The following MSL1 variants were observed in gnomAD, a reference collection of about 807,000 sequenced individuals.
The protein encoded by MSL1 is male-specific lethal 1 homolog.
A neutral mutation model predicts 64.6 loss-of-function variants in MSL1; 21 were observed. The ratio of observed to expected loss-of-function variants is 0.33; its 90% CI spans 0.23 to 0.47. The LOEUF is 0.47. Among genes scored for constraint, MSL1 ranks in the 20% least tolerant of loss-of-function variants. The pLI is 1.00. For missense variants in MSL1, 664 were observed against 793.2 expected (o/e 0.84, Z 1.96); for synonymous variants, 339 against 329.6 (o/e 1.03, Z -0.31).
In MSL1 at chr17:40,135,900, A is replaced by G. The variant is rs1429724467; in HGVS notation, c.*1531A>G. The G allele has an allele frequency of 1.3e-5, 2 of 152,044 alleles. No homozygotes were observed. Among genetic ancestry groups the G allele is most frequent in the Non-Finnish European group, 2.9e-5 (2 of 68,006 alleles). The allele number at this position is 152,044 out of a possible 1,614,324, so 9.4% of individuals were successfully genotyped here. ...TCATTTGTAACTCCATCTGCTTAGG[A>G]GAGTGGGCTCTCTATAAGGGAACCT... On this transcript the variant is annotated 3_prime_UTR_variant, in exon 9 of 9. Coordinates refer to ENST00000398532, the MANE Select transcript of MSL1 (RefSeq NM_001365919.1).
At chr17:40,127,339 G>GAAAAAAAA (rs66944924) in intron 2 of MSL1, among the ~76,000 whole-genome samples, 2 of 97,634 alleles carry the variant, frequency 2.0e-5, no homozygotes, top group African/African-American at 3.8e-5. Context: ...TGTCTCAATT[G>GAAAAAAAA]AAAAAAAAAA....
Position 40,126,303 on chromosome 17 carries a change from T to C in MSL1, c.889T>C (p.Ser297Pro), listed in dbSNP as rs1214942062. Residue 297 changes from serine to proline, a missense_variant, in exon 2 of 9, where the codon TCT (serine) becomes CCT (proline). Coordinates refer to ENST00000398532, the MANE Select transcript of MSL1 (RefSeq NM_001365919.1). ...TGAAGAGAGAGAGGAAACAGAGCTA[T>C]CTGAGAAAATTAAACTGGAGTGCCA... ...ETEEREETEL[S>P]EKIKLECQPE... is the part of the protein sequence containing the mutation. 9.9e-6 allele frequency: 16 copies of C among 1,613,984 alleles called. No homozygotes were observed. Among genetic ancestry groups the C allele is most frequent in the Non-Finnish European group, 1.4e-5 (16 of 1,179,890 alleles).
chr17:40,133,176 C>T, intron 6 of MSL1, 67 bp downstream of exon 6: 1 of 1,378,756 alleles, frequency 7.3e-7, no homozygotes. Context: ...TATCAGGGAA[C>T]CTGACCTCCC....
chr17:40,123,287 C>G lies in MSL1; in HGVS notation c.675C>G (p.Ile225Met). The change falls in exon 1 of 9, where the codon ATC (isoleucine) becomes ATG (methionine). Residue 225 changes from isoleucine to methionine, a missense_variant. Physicochemically the swap from Ile to Met is conservative, Grantham distance 10. This residue lies in a region of MSL1 where 466 missense variants were observed against 499.0 expected (regional missense o/e 0.93). Coordinates refer to ENST00000398532, the MANE Select transcript of MSL1 (RefSeq NM_001365919.1). ...ASSQAACLKQ[I>M]LLLQLDLIEQ... ...GTCAGGCCGCCTGCCTCAAACAGATCCTTCTGCTGCAATTGGACCTCATCG... is the reference window on the plus strand; with the variant it reads ...GTCAGGCCGCCTGCCTCAAACAGATGCTTCTGCTGCAATTGGACCTCATCG... 1.3e-6 allele frequency: 2 copies of G among 1,536,010 alleles called. No homozygotes were observed. The highest frequency in any genetic ancestry group is 1.7e-6 in the Non-Finnish European group (2 of 1,146,890).
intron 1 of MSL1, among the ~76,000 whole-genome samples, chr17:40,123,729 T>C (rs1021559511): frequency 2.6e-5 from 4 of 152,006 alleles, no homozygotes; most frequent in African/African-American, 9.7e-5. Context: ...TGTGTCCTTA[T>C]GGAAGGGTTA....
At position 40,133,495 on chromosome 17, in the gene MSL1, T is replaced by C. The variant is rs1217316931; in HGVS notation, c.1557-39T>C. 8 of 1,586,980 alleles carry C rather than the reference T, an allele frequency of 5.0e-6. No individual in the cohort carries two copies. In the African/African-American group the frequency reaches 5.4e-5, roughly 11 times the overall value. ...AGAGCAGGTTTTGGGTAAACAGTAATGTTGGGTTTCTTTGTTTTGTTTGGT... is the reference window on the plus strand; with the variant it reads ...AGAGCAGGTTTTGGGTAAACAGTAACGTTGGGTTTCTTTGTTTTGTTTGGT... On this transcript the variant is annotated intron_variant, in intron 6 of 8. Coordinates refer to ENST00000398532, the MANE Select transcript of MSL1 (RefSeq NM_001365919.1).
Position 40,131,523 on chromosome 17 carries a change from C to T in MSL1, c.1376-14C>T, listed in dbSNP as rs1295067386. 2.2e-5 allele frequency: 36 copies of T among 1,612,604 alleles called. No individual in the cohort carries two copies. The highest frequency in any genetic ancestry group is 2.9e-5 in the Non-Finnish European group (34 of 1,178,770). ...TTTTACACTGAGATTATTCTTCTTT[C>T]CTGCATTATTTAGGGTGTCTGATGC... On this transcript the variant is annotated splice_polypyrimidine_tract_variant and intron_variant, in intron 3 of 8. Transcript: ENST00000398532. This position sits in a 1 kb window ranked among gnomAD's most constrained non-coding sequence, Gnocchi z 4.5.
Position 40,134,605 on chromosome 17 carries a change from C to G in MSL1, c.*236C>G. 3.9e-6 allele frequency: 2 copies of G among 512,532 alleles called. No homozygotes were observed. The highest frequency in any genetic ancestry group is 7.0e-6 in the Non-Finnish European group (2 of 283,788). The allele number at this position is 512,532 out of a possible 1,614,324, so 31.7% of individuals were successfully genotyped here. Reference sequence around the variant, plus strand: ...TTTTCCCTTTTTTGGGAAATGGGCTCTCAAGCTAAAGCTATAGGATGGCAG... The same window carrying G: ...TTTTCCCTTTTTTGGGAAATGGGCTGTCAAGCTAAAGCTATAGGATGGCAG... On this transcript the variant is annotated 3_prime_UTR_variant, in exon 9 of 9. Transcript: ENST00000398532.
rs778915146 is a variant in MSL1, at chr17:40,122,603, C to G, written c.-10C>G. ...CTCCGCCTCGGTGCCCGGCGCTGCT[C>G]CGGACCACTATGACCATGAGATCCG... is the stretch of plus-strand genomic sequence containing the variant. On this transcript the variant is annotated 5_prime_UTR_variant, in exon 1 of 9. Coordinates refer to ENST00000398532, the MANE Select transcript of MSL1 (RefSeq NM_001365919.1). The surrounding 1 kb of genome is among the most constrained non-coding windows in gnomAD (Gnocchi z 4.2). 7.3e-5 allele frequency: 106 copies of G among 1,456,532 alleles called. 2 individuals carry two copies. The East Asian group carries it at 8.7e-4, about 12-fold the overall frequency. 90.2% of individuals were successfully genotyped at this position (1,456,532 alleles called of 1,614,324 possible). A position where few individuals can be genotyped will look rare whatever the true frequency, so the allele number is the denominator to read the frequency against.
At position 40,131,959 on chromosome 17, in the gene MSL1, G is replaced by A; in HGVS notation, c.1424-75G>A. ...CTGGGGAGAGACCTCTTATCCTAGT[G>A]AATAGTTGTGCAACTTTGGATTTAA... On this transcript the variant is annotated intron_variant, in intron 4 of 8. Transcript: ENST00000398532. This position sits in a 1 kb window ranked among gnomAD's most constrained non-coding sequence, Gnocchi z 4.5. The A allele has an allele frequency of 9.3e-7, 1 of 1,074,152 alleles. No homozygotes were observed. The highest frequency in any genetic ancestry group is 1.4e-6 in the Non-Finnish European group (1 of 722,756). The allele number at this position is 1,074,152 out of a possible 1,614,324, so 66.5% of individuals were successfully genotyped here.
Position 40,136,869 on chromosome 17 carries a change from G to T in MSL1, c.*2500G>T, listed in dbSNP as rs1294030563. On this transcript the variant is annotated 3_prime_UTR_variant, in exon 9 of 9. Coordinates refer to ENST00000398532, the MANE Select transcript of MSL1 (RefSeq NM_001365919.1). ...TTGTATATTTGAAACATTGGAAAAA[G>T]AAATCCATTTTCTCAATAAAAAAGA... 1 of 152,304 alleles carries T rather than the reference G, an allele frequency of 6.6e-6. No homozygotes were observed. The highest frequency in any genetic ancestry group is 1.5e-5 in the Non-Finnish European group (1 of 68,008). The allele number at this position is 152,304 out of a possible 1,614,324, so 9.4% of individuals were successfully genotyped here. A position where few individuals can be genotyped will look rare whatever the true frequency, so the allele number is the denominator to read the frequency against.
rs906042974 is a variant in MSL1, at chr17:40,134,748, A to T, written c.*379A>T. The T allele has an allele frequency of 9.2e-5, 18 of 195,666 alleles. No homozygotes were observed. Among genetic ancestry groups the T allele is most frequent in the African/African-American group, 4.0e-4 (17 of 42,408 alleles). 12.1% of individuals were successfully genotyped at this position (195,666 alleles called of 1,614,324 possible). On this transcript the variant is annotated 3_prime_UTR_variant, in exon 9 of 9. Transcript: ENST00000398532. ...CCCCTTCCTTTAGAGCTGTGCCTGC[A>T]TGGCACTCTTCTCACCCTGGTACAC...
chr17:40,123,441 A>G lies in MSL1; in HGVS notation c.768+61A>G, dbSNP rs1988239270. 3 of 1,495,266 alleles carry G rather than the reference A, an allele frequency of 2.0e-6. No individual in the cohort carries two copies. The South Asian group carries it at 3.6e-5, about 18-fold the overall frequency. 92.6% of individuals were successfully genotyped at this position (1,495,266 alleles called of 1,614,324 possible). On this transcript the variant is annotated intron_variant, in intron 1 of 8. Transcript: ENST00000398532. ...GCGAGTTGTGCGCATGCTCGGGGGA[A>G]GGGGGCTGTAGGAGGTTAAGGCACC...
At position 40,129,539 on chromosome 17, in the gene MSL1, A is replaced by G. The variant is rs751749033; in HGVS notation, c.1287A>G (p.Thr429=). The change falls in exon 3 of 9, where the codon ACA becomes ACG. Residue 429 remains threonine (T), a synonymous_variant. Transcript: ENST00000398532. ...AAGATTTGCCGTACCTTTCCACCAC[A>G]GAAATGTATTTGTGTCGTTGGCACC... ...EIEDLPYLST[T]EMYLCRWHQP... 2 of 1,613,972 alleles carry G rather than the reference A, an allele frequency of 1.2e-6. No homozygotes were observed. The highest frequency in any genetic ancestry group is 1.7e-5 in the Admixed American group (1 of 60,000).
rs1204817541 is a variant in MSL1 at position 40,133,530 on chromosome 17, C to G, written c.1557-4C>G. 4 of 1,606,864 alleles carry G rather than the reference C, an allele frequency of 2.5e-6. No individual in the cohort carries two copies. Among genetic ancestry groups the G allele is most frequent in the Non-Finnish European group, 3.4e-6 (4 of 1,176,880 alleles). On this transcript the variant is annotated splice_region_variant and splice_polypyrimidine_tract_variant and intron_variant, in intron 6 of 8. Transcript: ENST00000398532. Reference sequence around the variant, plus strand: ...CTTTGTTTTGTTTGGTTTGTTTTTCCCAGATGGGATATTCAGAGGATCAGG... The same window carrying G: ...CTTTGTTTTGTTTGGTTTGTTTTTCGCAGATGGGATATTCAGAGGATCAGG...
chr17:40,129,173 C>T (rs952712522), intron 2 of MSL1, 72 bp from the exon 3 acceptor site: 3 of 1,299,386 alleles, frequency 2.3e-6, no homozygotes, highest in Non-Finnish European at 3.2e-6. Flanking sequence ...TTCTTTTGCT[C>T]CAGAATGTGT....
chr17:40,125,636 C>A (rs1394297193), intron 1 of MSL1, among the ~76,000 whole-genome samples: 1 of 152,122 alleles, frequency 6.6e-6, no homozygotes, highest in Admixed American at 6.6e-5. Flanking sequence ...CATGGTGAAA[C>A]CCTGTCTCTA....
Position 40,129,715 on chromosome 17 carries a change from G to A in MSL1, c.1375+88G>A. Reference sequence around the variant, plus strand: ...AAATGCCTTTGGCATTTTTAAAAAAGTGCAATCAATAAAGCAGAGTTCTGT... The same window carrying A: ...AAATGCCTTTGGCATTTTTAAAAAAATGCAATCAATAAAGCAGAGTTCTGT... On this transcript the variant is annotated intron_variant, in intron 3 of 8. Coordinates refer to ENST00000398532, the MANE Select transcript of MSL1 (RefSeq NM_001365919.1). 5 of 1,370,014 alleles carry A rather than the reference G, an allele frequency of 3.6e-6. No homozygotes were observed. The South Asian group carries it at 6.2e-5, about 17-fold the overall frequency. 84.9% of individuals were successfully genotyped at this position (1,370,014 alleles called of 1,614,324 possible). A position where few individuals can be genotyped will look rare whatever the true frequency, so the allele number is the denominator to read the frequency against.
intron 1 of MSL1, among the ~76,000 whole-genome samples, chr17:40,124,370 T>C (rs1446038926): frequency 6.6e-6 from 1 of 150,836 alleles, no homozygotes; most frequent in African/African-American, 2.4e-5. Flanking sequence ...TTTCCCTTTC[T>C]CTCTCTCTCT....
Sources: gnomAD v4.1 joint callset for allele counts (sites outside exome capture counted in the v4.1 genomes callset) on GRCh38, gnomAD v4.1.1 for gene constraint, gnomAD v4.1.1 regional missense constraint, Gnocchi (gnomAD v3.1) non-coding constraint, MANE v1.5 for transcripts, NCBI Gene and HGNC (gene_info 2026-07-23, HGNC 2026-07-21) for gene names.